USP43: variants seen among roughly 807,000 people sequenced by gnomAD.
USP43 encodes the protein ubiquitin specific peptidase 43.
Under a neutral mutation model 90.7 loss-of-function variants are expected in USP43, and 33 were observed. That is an observed-to-expected ratio of 0.36 (90% CI 0.28 to 0.49). The LOEUF is 0.49. USP43 is among the 20% of genes least tolerant of loss of function. USP43 has a pLI of 0.98. For synonymous variants in USP43, 598 were observed against 615.8 expected (o/e 0.97, Z 0.43); for missense variants, 1,274 against 1,476.4 (o/e 0.86, Z 2.25).
intron 13 of USP43, 96 bp downstream of exon 13, chr17:9,710,210 G>C (rs2654724): frequency 0.25 from 320,051 of 1,296,286 alleles, 41,590 homozygotes; most frequent in African/African-American, 0.47. Flanking sequence ...AGGAGAGGTT[G>C]GCAAGGATCT....
Position 9,680,325 on chromosome 17 carries a change from C to A in USP43, c.1064C>A (p.Ala355Asp). 9.3e-6 allele frequency: 15 copies of A among 1,613,874 alleles called. No individual in the cohort carries two copies. The highest frequency in any genetic ancestry group is 1.3e-5 in the Non-Finnish European group (15 of 1,179,856). The change falls in exon 6 of 15, where the codon GCC (alanine) becomes GAC (aspartate). Residue 355 changes from alanine (A) to aspartate (D), a missense_variant. Around this residue, in one of 6 missense-constraint regions of USP43, gnomAD observed 253 missense variants for 276.0 expected, o/e 0.92. Coordinates refer to ENST00000285199, the MANE Select transcript of USP43 (RefSeq NM_153210.5). ...ATCGCAGAGGGAGATAATGTGTATG[C>A]CTTTCAAGTTCCTCCCTCACCCAGC... is the stretch of plus-strand genomic sequence containing the variant. ...NTIAEGDNVYAFQVPPSPSQG... is the reference protein window; with the variant it reads ...NTIAEGDNVYDFQVPPSPSQG...
At chr17:9,715,721 ATGTG>A (rs1555555524) in intron 14 of USP43, among the ~76,000 whole-genome samples, 18,770 of 102,834 alleles carry the variant, frequency 0.18, 1,888 homozygotes, top group African/African-American at 0.38. Flanking sequence ...CTGTGTGTGT[ATGTG>A]TGTGTGTGTG....
At chr17:9,656,291 A>G in intron 1 of USP43, 112 bp from the exon 2 acceptor site, 1 of 1,375,568 alleles carries the variant, frequency 7.3e-7, no homozygotes, top group Non-Finnish European at 9.8e-7. Context: ...GTGTGCTGTC[A>G]TCCCAGGTCA....
At chr17:9,681,123 A>G (rs577164901) in intron 6 of USP43, among the ~76,000 whole-genome samples, 9 of 113,318 alleles carry the variant, frequency 7.9e-5, no homozygotes, top group Non-Finnish European at 1.1e-4. Flanking sequence ...TATACTATAT[A>G]ATATATACTA....
Position 9,686,869 on chromosome 17 carries a change from G to A in USP43, c.1313G>A (p.Ser438Asn). 6.2e-7 allele frequency: 1 copy of A among 1,613,828 alleles called. No homozygotes were observed. ...GCCCAGCTCCAGCAGTCTATCCTCA[G>A]CAAGGTCCGCCATCTTATGAAGAGT... Reference protein sequence around the residue: ...SWAQLQQSILSKVRHLMKSEA... With the variant: ...SWAQLQQSILNKVRHLMKSEA... Residue 438 changes from serine (S) to asparagine (N), a missense_variant, in exon 8 of 15, where the codon AGC becomes AAC. Ser to Asn is a conservative substitution (Grantham distance 46). Coordinates refer to ENST00000285199, the MANE Select transcript of USP43 (RefSeq NM_153210.5). The surrounding 1 kb of genome is among the most constrained non-coding windows in gnomAD (Gnocchi z 5.5).
chr17:9,653,828 C>T (rs1912042498), intron 1 of USP43, among the ~76,000 whole-genome samples: 2 of 152,070 alleles, frequency 1.3e-5, no homozygotes, highest in South Asian at 4.2e-4. Flanking sequence ...ACCATGAAGT[C>T]AGTGGGTTGG....
chr17:9,669,198 A>G (rs16958567), intron 3 of USP43, among the ~76,000 whole-genome samples: 2,533 of 152,242 alleles, frequency 0.017, 69 homozygotes, highest in African/African-American at 0.057. Flanking sequence ...AACCAAAAAT[A>G]AGGAGACAGA....
At chr17:9,669,143 C>T (rs896171673) in intron 3 of USP43, among the ~76,000 whole-genome samples, 1 of 152,088 alleles carries the variant, frequency 6.6e-6, no homozygotes, top group African/African-American at 2.4e-5. Context: ...CACGCCCGGC[C>T]GGGCATCTGT....
intron 14 of USP43, among the ~76,000 whole-genome samples, chr17:9,724,238 A>G (rs779365069): frequency 5.3e-5 from 8 of 151,910 alleles, no homozygotes; most frequent in African/African-American, 1.2e-4. Context: ...AGTCTTGGAG[A>G]TGGAGAAGCT....
chr17:9,714,724 G>A (rs1294991057), intron 14 of USP43, among the ~76,000 whole-genome samples: 2 of 151,616 alleles, frequency 1.3e-5, no homozygotes, highest in South Asian at 2.1e-4. Context: ...ACCAAACCTG[G>A]GGGCTCTCCA....
In USP43 at chr17:9,693,146, C is replaced by T; in HGVS notation, c.1373C>T (p.Ser458Phe). The T allele has an allele frequency of 1.2e-6, 2 of 1,613,688 alleles. No homozygotes were observed. Among genetic ancestry groups the T allele is most frequent in the Non-Finnish European group, 1.7e-6 (2 of 1,179,816 alleles). The stretch of plus-strand genomic sequence containing the variant: ...TCGCAGAACCTGGGGTCTCTGTTCT[C>T]CATCCGTGTTGTGGGACTCTCTGTG... ...APVQNLGSLF[S>F]IRVVGLSVAC... The change falls in exon 9 of 15, where the codon TCC becomes TTC. Residue 458 changes from serine (S) to phenylalanine (F), a missense_variant. Physicochemically the swap from Ser to Phe is radical, Grantham distance 155 (BLOSUM62 -2). Coordinates refer to ENST00000285199, the MANE Select transcript of USP43 (RefSeq NM_153210.5).
intron 2 of USP43, among the ~76,000 whole-genome samples, chr17:9,662,144 G>A (rs1185479969): frequency 1.3e-5 from 2 of 152,154 alleles, no homozygotes; most frequent in East Asian, 1.9e-4. Context: ...GCATCTCAGT[G>A]TGGCTTGCTT....
intron 12 of USP43, among the ~76,000 whole-genome samples, chr17:9,705,778 CA>C (rs59398544): frequency 0.24 from 34,629 of 146,442 alleles, 5,098 homozygotes; most frequent in African/African-American, 0.41. Flanking sequence ...ACAACAACAG[CA>C]AAAAAAAAAC....
chr17:9,678,636 G>A (rs555698434), intron 5 of USP43, among the ~76,000 whole-genome samples: 66 of 151,654 alleles, frequency 4.4e-4, no homozygotes, highest in African/African-American at 1.5e-3. Flanking sequence ...CACTGCGCCC[G>A]GCCTGTATTT....
At chr17:9,680,207 G>A (rs779139186) in intron 5 of USP43, 24 bp from the exon 6 acceptor site, 1 of 1,606,216 alleles carries the variant, frequency 6.2e-7, no homozygotes, top group East Asian at 2.2e-5. Context: ...AAATCAAGAG[G>A]GAAAATGATC....
chr17:9,671,138 C>T lies in USP43; in HGVS notation c.741-3753C>T, dbSNP rs547350003. Among the ~76,000 whole-genome samples the T allele has an allele frequency of 1.9e-3, 289 of 152,290 alleles. 2 individuals are homozygous for T. Among genetic ancestry groups the T allele is most frequent in the African/African-American group, 6.8e-3 (283 of 41,556 alleles). On this transcript the variant is annotated intron_variant, in intron 3 of 14. Coordinates refer to ENST00000285199, the MANE Select transcript of USP43 (RefSeq NM_153210.5). ...TTTGGCTGGGGGAGAGAAAAGGAAC[C>T]TCCAGTACTAGAGTACCGAAGATCC...
intron 8 of USP43, among the ~76,000 whole-genome samples, chr17:9,689,900 C>T (rs1914831159): frequency 6.6e-6 from 1 of 152,202 alleles, no homozygotes; most frequent in Admixed American, 6.5e-5. Context: ...TTTAAATTAA[C>T]ATTCTCCTTA....
At chr17:9,671,596 G>T (rs912921743) in intron 3 of USP43, among the ~76,000 whole-genome samples, 1 of 152,192 alleles carries the variant, frequency 6.6e-6, no homozygotes, top group Non-Finnish European at 1.5e-5. Context: ...GCAAACCGCA[G>T]CCCTGAGTTT....
intron 2 of USP43, among the ~76,000 whole-genome samples, chr17:9,664,409 A>C (rs1052704477): frequency 3.9e-5 from 6 of 152,098 alleles, no homozygotes; most frequent in African/African-American, 1.4e-4. Context: ...GCTTTCTAAA[A>C]TCCTTCAACA....
Sources: gnomAD v4.1 joint callset for allele counts (sites outside exome capture counted in the v4.1 genomes callset) on GRCh38, gnomAD v4.1.1 for gene constraint, gnomAD v4.1.1 regional missense constraint, Gnocchi (gnomAD v3.1) non-coding constraint, MANE v1.5 for transcripts, NCBI Gene and HGNC (gene_info 2026-07-23, HGNC 2026-07-21) for gene names.